Variants in GCLM observed in about 807,000 individuals in gnomAD.
GCLM encodes glutamate--cysteine ligase regulatory subunit.
A neutral mutation model predicts 36.0 loss-of-function variants in GCLM; 15 were observed. That is an observed-to-expected ratio of 0.42 (90% CI 0.28 to 0.64). GCLM has a LOEUF of 0.64. Ranked by LOEUF, GCLM falls within the 30% of genes least tolerant of loss-of-function variation. The probability of loss-of-function intolerance (pLI) is 0.25; values close to 1 mark genes in which losing one functional copy is unlikely to be tolerated. For missense variants in GCLM, 242 were observed against 325.5 expected (o/e 0.74, Z 1.97); for synonymous variants, 129 against 122.8 (o/e 1.05, Z -0.34).
At chr1:93,907,605 C>T (rs990175629) in intron 1 of GCLM, among the ~76,000 whole-genome samples, 12 of 152,160 alleles carry the variant, frequency 7.9e-5, no homozygotes, top group Admixed American at 2.0e-4. Flanking sequence ...TATCAATATA[C>T]GTGCAAAATT....
In GCLM at chr1:93,908,477, A is replaced by G. The variant is rs1657229757; in HGVS notation, c.126+561T>C. On this transcript the variant is annotated intron_variant, in intron 1 of 6. Coordinates refer to ENST00000370238, the MANE Select transcript of GCLM (RefSeq NM_002061.4). ...TGATAAAGCATACATAGACGCACAG[A>G]TAAGTGCATAAAATGTGTAATGACT... 2.0e-5 allele frequency among the ~76,000 whole-genome samples: 3 copies of G among 150,948 alleles called. No homozygotes were observed. In the South Asian group the frequency reaches 6.2e-4, roughly 31 times the overall value.
chr1:93,895,959 CTTTCTT>C lies in GCLM; in HGVS notation c.540+653_540+658del, dbSNP rs1232777921. Among the ~76,000 whole-genome samples the C allele has an allele frequency of 6.5e-4, 84 of 128,708 alleles. 1 individual carries two copies. Among genetic ancestry groups the C allele is most frequent in the African/African-American group, 2.0e-3 (62 of 31,538 alleles). The allele number at this position is 128,708 out of a possible 152,430, so 84.4% of individuals were successfully genotyped here. ...GTACCTAAAGAAAAAGAAGGTTTTT[CTTTCTT>C]TTTTTTTTTTTTTTTGAGACAGAGT... On this transcript the variant is annotated intron_variant, in intron 5 of 6. Coordinates refer to ENST00000370238, the MANE Select transcript of GCLM (RefSeq NM_002061.4).
intron 5 of GCLM, among the ~76,000 whole-genome samples, 199 bp downstream of exon 5, chr1:93,896,419 T>C (rs188669727): frequency 6.6e-6 from 1 of 152,254 alleles, no homozygotes; most frequent in Admixed American, 6.5e-5. Context: ...GAGATATATT[T>C]AAATAAAAAC....
chr1:93,897,093 C>T (rs1309256841), intron 4 of GCLM, among the ~76,000 whole-genome samples: 3 of 152,328 alleles, frequency 2.0e-5, no homozygotes, highest in East Asian at 1.9e-4. Context: ...ACATGCTCCT[C>T]TTTCTAGGGA....
At chr1:93,898,470 T>A (rs12089163) in intron 3 of GCLM, among the ~76,000 whole-genome samples, 39,211 of 151,872 alleles carry the variant, frequency 0.26, 5,184 homozygotes, top group Admixed American at 0.35. Context: ...AAAATATATG[T>A]CTATGTAGTA....
chr1:93,908,820 T>C (rs1657245791), intron 1 of GCLM: 1 of 362,996 alleles, frequency 2.8e-6, no homozygotes, highest in South Asian at 7.2e-5. Context: ...AGTGCGCAGC[T>C]GCACCGGCTA....
intron 2 of GCLM, among the ~76,000 whole-genome samples, chr1:93,902,382 G>GT (rs1383704423): frequency 6.6e-6 from 1 of 151,608 alleles, no homozygotes; most frequent in Non-Finnish European, 1.5e-5. Flanking sequence ...GTTTCACCGT[G>GT]TTAGCCAGGA....
intron 2 of GCLM, among the ~76,000 whole-genome samples, chr1:93,903,645 CT>C (rs17879344): frequency 0.013 from 1,928 of 151,666 alleles, 34 homozygotes; most frequent in African/African-American, 0.044. Context: ...TAAACCAAAA[CT>C]TTTTTTTTCC....
At chr1:93,898,062 G>A (rs992940119) in intron 3 of GCLM, among the ~76,000 whole-genome samples, 164 bp from the exon 4 acceptor site, 2 of 151,722 alleles carry the variant, frequency 1.3e-5, no homozygotes, top group Non-Finnish European at 2.9e-5. Flanking sequence ...AGACATAAAT[G>A]TATAGTTCCA....
Position 93,909,083 on chromosome 1 carries a change from G to C in GCLM, c.81C>G (p.Asn27Lys). The C allele has an allele frequency of 6.8e-7, 1 of 1,474,236 alleles. No homozygotes were observed. The highest frequency in any genetic ancestry group is 1.3e-5 in the South Asian group (1 of 78,182). The allele number at this position is 1,474,236 out of a possible 1,614,324, so 91.3% of individuals were successfully genotyped here. A position where few individuals can be genotyped will look rare whatever the true frequency, so the allele number is the denominator to read the frequency against. The change falls in exon 1 of 7, where the codon AAC becomes AAG. Residue 27 changes from asparagine to lysine, a missense_variant. Coordinates refer to ENST00000370238, the MANE Select transcript of GCLM (RefSeq NM_002061.4). ...GGCACTTCTTCCGCAGGCGGCCCCA[G>C]TTCAGCAGGTTCCCCGTCTGCAGGT... is the stretch of plus-strand genomic sequence containing the variant. ...TLHLQTGNLL[N>K]WGRLRKKCPS...
At chr1:93,901,871 G>A (rs1656963995) in intron 2 of GCLM, among the ~76,000 whole-genome samples, 1 of 151,872 alleles carries the variant, frequency 6.6e-6, no homozygotes, top group African/African-American at 2.4e-5. Context: ...GTGTTTGTGT[G>A]TGTGTATCTA....
chr1:93,887,410 G>A lies in GCLM; in HGVS notation c.*1580C>T, dbSNP rs894134846. On this transcript the variant is annotated 3_prime_UTR_variant, in exon 7 of 7. Coordinates refer to ENST00000370238, the MANE Select transcript of GCLM (RefSeq NM_002061.4). Reference sequence around the variant, plus strand: ...AACCATAGTTCTTTTTCCCTAGGTTGAGAAAACTTGAGCAAAATTAGTTTT... The same window carrying A: ...AACCATAGTTCTTTTTCCCTAGGTTAAGAAAACTTGAGCAAAATTAGTTTT... The A allele has an allele frequency of 1.3e-5, 2 of 151,708 alleles. No homozygotes were observed. Among genetic ancestry groups the A allele is most frequent in the Non-Finnish European group, 2.9e-5 (2 of 67,956 alleles). 9.4% of individuals were successfully genotyped at this position (151,708 alleles called of 1,614,324 possible). A position where few individuals can be genotyped will look rare whatever the true frequency, so the allele number is the denominator to read the frequency against.
intron 6 of GCLM, 64 bp from the exon 7 acceptor site, chr1:93,889,223 G>A (rs1467475667): frequency 8.1e-6 from 9 of 1,104,506 alleles, no homozygotes; most frequent in Non-Finnish European, 1.1e-5. Flanking sequence ...AAGCACTTTA[G>A]TATGTAGGTA....
intron 5 of GCLM, among the ~76,000 whole-genome samples, chr1:93,895,390 G>T (rs1402999485): frequency 1.3e-5 from 2 of 152,154 alleles, no homozygotes; most frequent in African/African-American, 4.8e-5. Context: ...ACACAAACAT[G>T]ATTTTTGTTA....
chr1:93,887,781 T>C lies in GCLM; in HGVS notation c.*1209A>G, dbSNP rs1656376690. The C allele has an allele frequency of 6.6e-6, 1 of 152,124 alleles. No homozygotes were observed. Among genetic ancestry groups the C allele is most frequent in the African/African-American group, 2.4e-5 (1 of 41,430 alleles). The allele number at this position is 152,124 out of a possible 1,614,324, so 9.4% of individuals were successfully genotyped here. On this transcript the variant is annotated 3_prime_UTR_variant, in exon 7 of 7. Transcript: ENST00000370238. ...CTGCGCCCGGATGAAATACAAGAGATTTTTAAAGAAGTTTTCAAACTATTC... is the reference window on the plus strand; with the variant it reads ...CTGCGCCCGGATGAAATACAAGAGACTTTTAAAGAAGTTTTCAAACTATTC...
rs1246695245 is a variant in GCLM, at chr1:93,886,173, G to T, written c.*2817C>A. The T allele has an allele frequency of 6.6e-6, 1 of 151,620 alleles. No homozygotes were observed. Among genetic ancestry groups the T allele is most frequent in the Non-Finnish European group, 1.5e-5 (1 of 67,922 alleles). The allele number at this position is 151,620 out of a possible 1,614,324, so 9.4% of individuals were successfully genotyped here. A position where few individuals can be genotyped will look rare whatever the true frequency, so the allele number is the denominator to read the frequency against. ...TTACAGTACATTGTGTTAAAGTAAG[G>T]CTCCACTGTATTTTGGACATGTAAT... is the stretch of plus-strand genomic sequence containing the variant. On this transcript the variant is annotated 3_prime_UTR_variant, in exon 7 of 7. Transcript: ENST00000370238.
chr1:93,890,872 C>A lies in GCLM; in HGVS notation c.656-1713G>T, dbSNP rs565770392. On this transcript the variant is annotated intron_variant, in intron 6 of 6. Coordinates refer to ENST00000370238, the MANE Select transcript of GCLM (RefSeq NM_002061.4). ...GTGCCGCAGTGCCAATTCTTTTTTT[C>A]TTTTCTATTTTTTTTTTTTTTTGAG... is the stretch of plus-strand genomic sequence containing the variant. Among the ~76,000 whole-genome samples, 6 of 149,636 alleles carry A rather than the reference C, an allele frequency of 4.0e-5. No homozygotes were observed. The South Asian group carries it at 1.1e-3, about 26-fold the overall frequency.
At position 93,888,974 on chromosome 1, in the gene GCLM, T is replaced by TATGCTCCTAAGTCAGTTA; in HGVS notation, c.823_*15dup. On this transcript the variant is annotated 3_prime_UTR_variant, in exon 7 of 7. Coordinates refer to ENST00000370238, the MANE Select transcript of GCLM (RefSeq NM_002061.4). The stretch of plus-strand genomic sequence containing the variant: ...ATATTGAAGGAAATTACAGGTAAGT[T>TATGCTCCTAAGTCAGTTA]ATGCTCCTAAGTCAGTTAAGAACCC... The TATGCTCCTAAGTCAGTTA allele has an allele frequency of 6.6e-7, 1 of 1,523,376 alleles. No homozygotes were observed. Among genetic ancestry groups the TATGCTCCTAAGTCAGTTA allele is most frequent in the South Asian group, 1.3e-5 (1 of 79,216 alleles). The allele number at this position is 1,523,376 out of a possible 1,614,324, so 94.4% of individuals were successfully genotyped here. A position where few individuals can be genotyped will look rare whatever the true frequency, so the allele number is the denominator to read the frequency against.
chr1:93,897,989 C>A (rs1022251006), intron 3 of GCLM, 91 bp from the exon 4 acceptor site: 1 of 533,324 alleles, frequency 1.9e-6, no homozygotes, highest in African/African-American at 2.0e-5. Context: ...ACTAAGATGT[C>A]AGATAATCCT....
Sources: allele counts gnomAD v4.1 joint callset (sites outside exome capture counted in the v4.1 genomes callset), GRCh38; gene constraint gnomAD v4.1.1; transcripts MANE v1.5; gene names NCBI Gene and HGNC (gene_info 2026-07-23, HGNC 2026-07-21).